The following LRTM2 variants were observed in gnomAD, a reference collection of about 807,000 sequenced individuals.
LRTM2 encodes the protein leucine-rich repeat and transmembrane domain-containing protein 2.
Under a neutral mutation model 28.1 loss-of-function variants are expected in LRTM2, and 18 were observed. The ratio of observed to expected loss-of-function variants is 0.64; its 90% CI spans 0.44 to 0.95. LRTM2 has a LOEUF of 0.95. LRTM2 is among the 40% of genes least tolerant of loss of function. The probability of loss-of-function intolerance (pLI) is 0.00; values close to 1 mark genes in which losing one functional copy is unlikely to be tolerated. For missense variants in LRTM2, 436 were observed against 497.2 expected (o/e 0.88, Z 1.17); for synonymous variants, 250 against 218.7 (o/e 1.14, Z -1.26).
chr12:1,821,637 G>A (rs895368839), intron 1 of LRTM2, among the ~76,000 whole-genome samples: 3 of 152,124 alleles, frequency 2.0e-5, no homozygotes, highest in African/African-American at 4.8e-5. Flanking sequence ...TACACAGCGG[G>A]GCCAGGCCTG....
rs1266502117 is a variant in LRTM2 at position 1,834,614 on chromosome 12, G to A, written c.1006G>A (p.Ala336Thr). The change falls in exon 5 of 5, where the codon GCC becomes ACC. Residue 336 changes from alanine to threonine, a missense_variant. Coordinates refer to ENST00000299194, the MANE Select transcript of LRTM2 (RefSeq NM_001039029.3). The surrounding 1 kb of genome is among the most constrained non-coding windows in gnomAD (Gnocchi z 7.6). ...VVAAAYGCIY[A>T]SLMAKYHREL... ...GGCCGCTGCCTATGGCTGCATCTAC[G>A]CCTCCCTCATGGCCAAGTACCACCG... 3 of 1,599,862 alleles carry A rather than the reference G, an allele frequency of 1.9e-6. No homozygotes were observed. Among genetic ancestry groups the A allele is most frequent in the Admixed American group, 1.7e-5 (1 of 59,998 alleles).
chr12:1,828,529 G>C lies in LRTM2; in HGVS notation c.67+314G>C, dbSNP rs992869862. 6.6e-6 allele frequency among the ~76,000 whole-genome samples: 1 copy of C among 152,240 alleles called. No homozygotes were observed. The highest frequency in any genetic ancestry group is 2.4e-5 in the African/African-American group (1 of 41,456). On this transcript the variant is annotated intron_variant, in intron 3 of 4. Transcript: ENST00000299194. The surrounding 1 kb of genome is among the most constrained non-coding windows in gnomAD (Gnocchi z 4.2). ...CCCCAACAGGAGAAGAGCTCTGCTG[G>C]AATGCAGGCCTGCTGAGTCTTAAAC...
rs746248570 is a variant in LRTM2, at chr12:1,834,584, G to C, written c.976G>C (p.Val326Leu). ...GTGCGGCGTCGTCTGCATCATGATG[G>C]TGGTGGCCGCTGCCTATGGCTGCAT... ...VVCGVVCIMM[V>L]VAAAYGCIYA... The change falls in exon 5 of 5, where the codon GTG becomes CTG. Residue 326 changes from valine (V) to leucine (L), a missense_variant. Physicochemically the swap from Val to Leu is conservative, Grantham distance 32. Transcript: ENST00000299194. This position sits in a 1 kb window ranked among gnomAD's most constrained non-coding sequence, Gnocchi z 7.6. The C allele has an allele frequency of 1.6e-5, 25 of 1,600,590 alleles. No individual in the cohort carries two copies. The South Asian group carries it at 2.7e-4, about 18-fold the overall frequency.
In LRTM2 at chr12:1,835,504, C is replaced by A. The variant is rs1172468165; in HGVS notation, c.*783C>A. 2 of 152,568 alleles carry A rather than the reference C, an allele frequency of 1.3e-5. No homozygotes were observed. The highest frequency in any genetic ancestry group is 1.3e-4 in the Admixed American group (2 of 15,280). The allele number at this position is 152,568 out of a possible 1,614,324, so 9.5% of individuals were successfully genotyped here. ...CTCGAACAGCAGAGACATGCTCTTC[C>A]CCAGGGGTCTCCCTGAGACCACAGA... On this transcript the variant is annotated 3_prime_UTR_variant, in exon 5 of 5. Transcript: ENST00000299194.
Position 1,830,035 on chromosome 12 carries a change from C to A in LRTM2, c.68-900C>A, listed in dbSNP as rs1864551531. Among the ~76,000 whole-genome samples the A allele has an allele frequency of 9.2e-5, 14 of 152,324 alleles. 1 individual carries two copies. The South Asian group carries it at 2.9e-3, about 32-fold the overall frequency. Reference sequence around the variant, plus strand: ...CCCTACAGACAGGACCCCATGCTCGCTACGCAGAAGGGTCTTGGGCAAAAG... The same window carrying A: ...CCCTACAGACAGGACCCCATGCTCGATACGCAGAAGGGTCTTGGGCAAAAG... On this transcript the variant is annotated intron_variant, in intron 3 of 4. Coordinates refer to ENST00000299194, the MANE Select transcript of LRTM2 (RefSeq NM_001039029.3).
rs1864601790 is a variant in LRTM2 at position 1,831,040 on chromosome 12, G to A, written c.173G>A (p.Gly58Asp). The change falls in exon 4 of 5, where the codon GGC (glycine) becomes GAC (aspartate). Residue 58 changes from glycine (G) to aspartate (D), a missense_variant. Gly to Asp is a moderately conservative substitution (Grantham distance 94, BLOSUM62 -1). Coordinates refer to ENST00000299194, the MANE Select transcript of LRTM2 (RefSeq NM_001039029.3). ...RSLEVDCSGL[G>D]LTTVPPDVPA... ...CTGGAGGTGGACTGCAGTGGCCTTG[G>A]CCTCACCACGGTGCCCCCAGACGTG... is the stretch of plus-strand genomic sequence containing the variant. 6.2e-7 allele frequency: 1 copy of A among 1,614,072 alleles called. No individual in the cohort carries two copies. The highest frequency in any genetic ancestry group is 8.5e-7 in the Non-Finnish European group (1 of 1,180,034).
intron 4 of LRTM2, among the ~76,000 whole-genome samples, chr12:1,832,149 T>C (rs1337005964): frequency 6.6e-6 from 1 of 152,210 alleles, no homozygotes; most frequent in Non-Finnish European, 1.5e-5. Flanking sequence ...TAATGACCTA[T>C]GACATGATCA....
chr12:1,828,225 C>G lies in LRTM2; in HGVS notation c.67+10C>G, dbSNP rs369739030. ...TGGAGGCAAGTCTCCTGTGAGTACACCCCTGGCCTCGGAGGGGGGTGCGGG... is the reference window on the plus strand; with the variant it reads ...TGGAGGCAAGTCTCCTGTGAGTACAGCCCTGGCCTCGGAGGGGGGTGCGGG... On this transcript the variant is annotated intron_variant, in intron 3 of 4. Coordinates refer to ENST00000299194, the MANE Select transcript of LRTM2 (RefSeq NM_001039029.3). This position sits in a 1 kb window ranked among gnomAD's most constrained non-coding sequence, Gnocchi z 4.2. The G allele has an allele frequency of 1.9e-4, 286 of 1,537,734 alleles. 3 individuals are homozygous for G. The East Asian group carries it at 6.7e-3, about 36-fold the overall frequency.
At chr12:1,832,924 C>T (rs144265452) in intron 4 of LRTM2, among the ~76,000 whole-genome samples, 73 of 152,332 alleles carry the variant, frequency 4.8e-4, no homozygotes, top group Admixed American at 2.3e-3. Context: ...AGGCTGCATC[C>T]CTGTCAGCAC....
At chr12:1,826,691 G>A (rs57925962) in intron 1 of LRTM2, among the ~76,000 whole-genome samples, 2,251 of 137,272 alleles carry the variant, frequency 0.016, 49 homozygotes, top group African/African-American at 0.051. Flanking sequence ...CCGCTCCTCA[G>A]CAGGCTGCCC....
At position 1,822,915 on chromosome 12, in the gene LRTM2, C is replaced by G. The variant is rs533112935; in HGVS notation, c.-259+2101C>G. Among the ~76,000 whole-genome samples, 3 of 152,300 alleles carry G rather than the reference C, an allele frequency of 2.0e-5. No individual in the cohort carries two copies. The South Asian group carries it at 6.2e-4, about 32-fold the overall frequency. On this transcript the variant is annotated intron_variant, in intron 1 of 4. Transcript: ENST00000299194. ...GCTCTGGCTGGCCACTCTCCGGGCT[C>G]CCTCTCAGCCTTCCTGGGGTTGGTG...
chr12:1,832,642 T>G (rs1298564861), intron 4 of LRTM2, among the ~76,000 whole-genome samples: 1 of 152,228 alleles, frequency 6.6e-6, no homozygotes, highest in African/African-American at 2.4e-5. Context: ...TAAAAATGTT[T>G]TACAAACTAT....
At chr12:1,822,413 T>A (rs1036082823) in intron 1 of LRTM2, among the ~76,000 whole-genome samples, 1 of 152,060 alleles carries the variant, frequency 6.6e-6, no homozygotes, top group South Asian at 2.1e-4. Context: ...TTCCTCCTTT[T>A]TCCCCCAGCC....
rs746205791 is a variant in LRTM2 at position 1,836,608 on chromosome 12, C to A, written c.*1887C>A. The stretch of plus-strand genomic sequence containing the variant: ...TTTGGCGTGTGGGCTGGTACCAGAT[C>A]TGGGGATTTTCTAAAGGGACTGGGG... On this transcript the variant is annotated 3_prime_UTR_variant, in exon 5 of 5. Transcript: ENST00000299194. 1 of 152,460 alleles carries A rather than the reference C, an allele frequency of 6.6e-6. No individual in the cohort carries two copies. The highest frequency in any genetic ancestry group is 1.5e-5 in the Non-Finnish European group (1 of 68,054). 9.4% of individuals were successfully genotyped at this position (152,460 alleles called of 1,614,324 possible). A position where few individuals can be genotyped will look rare whatever the true frequency, so the allele number is the denominator to read the frequency against.
At chr12:1,832,829 A>G (rs1864690930) in intron 4 of LRTM2, among the ~76,000 whole-genome samples, 1 of 152,362 alleles carries the variant, frequency 6.6e-6, no homozygotes, top group Non-Finnish European at 1.5e-5. Context: ...GAAAACTAAA[A>G]CTCATAAGTA....
At chr12:1,826,035 T>C (rs1305912373) in intron 1 of LRTM2, among the ~76,000 whole-genome samples, 2 of 151,950 alleles carry the variant, frequency 1.3e-5, no homozygotes, top group Non-Finnish European at 2.9e-5. Context: ...GGGGCAGAAA[T>C]ACATAGACTC....
chr12:1,822,834 T>C (rs1316117403), intron 1 of LRTM2, among the ~76,000 whole-genome samples: 1 of 148,990 alleles, frequency 6.7e-6, no homozygotes, highest in South Asian at 2.1e-4. Context: ...TAGACGGCTG[T>C]GGCAGCCTCC....
At chr12:1,827,975 G>A (rs981161003) in intron 2 of LRTM2, 101 bp from the exon 3 acceptor site, 10 of 470,840 alleles carry the variant, frequency 2.1e-5, no homozygotes, top group Middle Eastern at 5.4e-4. Flanking sequence ...AACAGGAGAG[G>A]GCATGAGGAG....
At position 1,831,026 on chromosome 12, in the gene LRTM2, C is replaced by G. The variant is rs973980389; in HGVS notation, c.159C>G (p.Asp53Glu). ...CKCDSRSLEV[D>E]CSGLGLTTVP... ...GTGACAGCCGCAGCCTGGAGGTGGA[C>G]TGCAGTGGCCTTGGCCTCACCACGG... is the stretch of plus-strand genomic sequence containing the variant. Residue 53 changes from aspartate to glutamate, a missense_variant, in exon 4 of 5, where the codon GAC becomes GAG. Physicochemically the swap from Asp to Glu is conservative, Grantham distance 45. Transcript: ENST00000299194. 4 of 1,614,026 alleles carry G rather than the reference C, an allele frequency of 2.5e-6. No individual in the cohort carries two copies. The highest frequency in any genetic ancestry group is 2.2e-5 in the East Asian group (1 of 44,894).
Sources: allele counts gnomAD v4.1 joint callset (sites outside exome capture counted in the v4.1 genomes callset), GRCh38; gene constraint gnomAD v4.1.1; non-coding constraint Gnocchi (gnomAD v3.1); transcripts MANE v1.5; gene names NCBI Gene and HGNC (gene_info 2026-07-23, HGNC 2026-07-21).